KIF5C: variants seen among roughly 807,000 people sequenced by gnomAD.
The protein encoded by KIF5C is kinesin family member 5C, also known as kinesin heavy chain isoform 5C.
Under a neutral mutation model 125.2 loss-of-function variants are expected in KIF5C, and 18 were observed. That is an observed-to-expected ratio of 0.14 (90% CI 0.10 to 0.21). KIF5C has a LOEUF of 0.21. Among genes scored for constraint, KIF5C ranks in the 10% least tolerant of loss-of-function variants. The probability of loss-of-function intolerance (pLI) is 1.00; values close to 1 mark genes in which losing one functional copy is unlikely to be tolerated. For missense variants in KIF5C, 780 were observed against 1,183.8 expected (o/e 0.66, Z 5.01); for synonymous variants, 405 against 434.0 (o/e 0.93, Z 0.83).
At chr2:148,973,648 A>G in intron 12 of KIF5C, 137 bp downstream of exon 12, 1 of 1,258,008 alleles carries the variant, frequency 7.9e-7, no homozygotes, top group Non-Finnish European at 1.1e-6. Context: ...TAGCACTTTG[A>G]TGGTGCAGAT....
intron 3 of KIF5C, among the ~76,000 whole-genome samples, chr2:148,932,878 G>A (rs1291877967): frequency 6.6e-6 from 1 of 152,112 alleles, no homozygotes; most frequent in African/African-American, 2.4e-5. Flanking sequence ...GAGGCAACTG[G>A]GGCTGGAACA....
chr2:148,923,698 T>C (rs1681881938), intron 2 of KIF5C, among the ~76,000 whole-genome samples: 1 of 152,216 alleles, frequency 6.6e-6, no homozygotes, highest in Non-Finnish European at 1.5e-5. Context: ...AAATAGTATT[T>C]ACCACATGCT....
intron 1 of KIF5C, among the ~76,000 whole-genome samples, chr2:148,912,814 G>T (rs1453310461): frequency 6.6e-6 from 1 of 152,148 alleles, no homozygotes; most frequent in Non-Finnish European, 1.5e-5. Flanking sequence ...TTGCTACTGT[G>T]GGTCAAATGT....
chr2:148,995,593 CAGAA>C (rs1375467381), intron 17 of KIF5C, among the ~76,000 whole-genome samples: 2 of 152,210 alleles, frequency 1.3e-5, no homozygotes, highest in Non-Finnish European at 2.9e-5. Context: ...AGAATTTTCT[CAGAA>C]AGCCATTTGA....
intron 10 of KIF5C, among the ~76,000 whole-genome samples, chr2:148,955,685 TC>T (rs1682774775): frequency 6.6e-6 from 1 of 152,250 alleles, no homozygotes; most frequent in African/African-American, 2.4e-5. Context: ...TTTATCTTTC[TC>T]CTATTGGTTC....
chr2:149,020,856 T>C (rs1682514308), intron 25 of KIF5C, among the ~76,000 whole-genome samples: 1 of 152,230 alleles, frequency 6.6e-6, no homozygotes, highest in African/African-American at 2.4e-5. Context: ...TTTTCACTTC[T>C]AATTCTGGCA....
intron 1 of KIF5C, among the ~76,000 whole-genome samples, chr2:148,875,969 G>T (rs1681175318): frequency 6.6e-6 from 1 of 151,696 alleles, no homozygotes; most frequent in African/African-American, 2.4e-5. Context: ...TGGCGGGGGT[G>T]GGGATGGGGG....
chr2:148,916,325 A>T (rs1205614885), intron 1 of KIF5C, among the ~76,000 whole-genome samples: 1 of 152,198 alleles, frequency 6.6e-6, no homozygotes, highest in Non-Finnish European at 1.5e-5. Context: ...GACTTTATGA[A>T]TGAACATTGA....
chr2:148,942,841 G>T, intron 7 of KIF5C, 81 bp downstream of exon 7: 1 of 1,552,460 alleles, frequency 6.4e-7, no homozygotes. Context: ...TGGGGAATTA[G>T]GTACAAATGA....
chr2:148,889,153 CA>C (rs1681637842), intron 1 of KIF5C, among the ~76,000 whole-genome samples: 1 of 152,194 alleles, frequency 6.6e-6, no homozygotes. Context: ...GCTTTCCATA[CA>C]GGGTCTACTG....
At chr2:148,893,048 C>T (rs73966626) in intron 1 of KIF5C, among the ~76,000 whole-genome samples, 1,876 of 152,270 alleles carry the variant, frequency 0.012, 35 homozygotes, top group African/African-American at 0.043. Context: ...ACCCTTGTCT[C>T]GTTCTTAATC....
At chr2:148,910,185 T>G (rs539966620) in intron 1 of KIF5C, among the ~76,000 whole-genome samples, 32 of 152,224 alleles carry the variant, frequency 2.1e-4, no homozygotes, top group Non-Finnish European at 4.4e-4. Flanking sequence ...CTTAAATAAC[T>G]AAAAATCTAT....
chr2:148,946,519 T>A (rs1682523181), intron 7 of KIF5C, among the ~76,000 whole-genome samples: 2 of 152,210 alleles, frequency 1.3e-5, no homozygotes, highest in South Asian at 4.1e-4. Flanking sequence ...GACTACATCA[T>A]GTATTAATCA....
At chr2:148,898,769 C>T (rs1020257998) in intron 1 of KIF5C, among the ~76,000 whole-genome samples, 2 of 152,158 alleles carry the variant, frequency 1.3e-5, no homozygotes, top group African/African-American at 4.8e-5. Flanking sequence ...CTCTGACATC[C>T]AGAACTGAAA....
At chr2:148,937,697 C>G (rs1400791813) in intron 4 of KIF5C, among the ~76,000 whole-genome samples, 1 of 152,194 alleles carries the variant, frequency 6.6e-6, no homozygotes, top group Non-Finnish European at 1.5e-5. Context: ...GTTAGGGCAG[C>G]ATTTTCCAAA....
intron 12 of KIF5C, among the ~76,000 whole-genome samples, chr2:148,973,897 C>A (rs1177946440): frequency 6.6e-6 from 1 of 152,162 alleles, no homozygotes; most frequent in East Asian, 1.9e-4. Flanking sequence ...CAGCTAGGGG[C>A]AAGGGTTGTG....
At chr2:149,007,234 C>CCATT (rs1682036008) in intron 22 of KIF5C, among the ~76,000 whole-genome samples, 1 of 152,108 alleles carries the variant, frequency 6.6e-6, no homozygotes, top group African/African-American at 2.4e-5. Flanking sequence ...GCTCATGTAG[C>CCATT]CATTACCTTT....
chr2:148,969,449 G>GTA (rs1377290833), intron 11 of KIF5C, among the ~76,000 whole-genome samples: 1 of 151,478 alleles, frequency 6.6e-6, no homozygotes, highest in Non-Finnish European at 1.5e-5. Flanking sequence ...GTGTGTGTGT[G>GTA]TGTGTGTGTG....
chr2:148,950,251 C>T (rs2105113655), intron 9 of KIF5C, 63 bp from the exon 10 acceptor site: 3 of 1,576,216 alleles, frequency 1.9e-6, no homozygotes, highest in Middle Eastern at 1.7e-4. Flanking sequence ...CCCTGACTTG[C>T]TTGCCTCTGT....
Sources: gnomAD v4.1 joint callset for allele counts (sites outside exome capture counted in the v4.1 genomes callset) on GRCh38, gnomAD v4.1.1 for gene constraint, MANE v1.5 for transcripts, NCBI Gene and HGNC (gene_info 2026-07-23, HGNC 2026-07-21) for gene names.